Variants in PPP2R2B observed in about 807,000 individuals in gnomAD.
The protein encoded by PPP2R2B is protein phosphatase 2 regulatory subunit Bbeta, also known as serine/threonine-protein phosphatase 2A 55 kDa regulatory subunit B beta isoform.
A neutral mutation model predicts 46.0 loss-of-function variants in PPP2R2B; 5 were observed. The observed-to-expected ratio is 0.11, with a 90% CI of 0.06 to 0.23. PPP2R2B has a LOEUF of 0.23. Among genes scored for constraint, PPP2R2B ranks in the 10% least tolerant of loss-of-function variants. PPP2R2B has a pLI of 1.00. For synonymous variants in PPP2R2B, 215 were observed against 206.7 expected, an observed-to-expected ratio of 1.04 and a Z score of -0.34; for missense variants, 367 against 575.0, an observed-to-expected ratio of 0.64 and a Z score of 3.70.
chr5:146,656,063 C>T (rs1205244427), intron 5 of PPP2R2B, among the ~76,000 whole-genome samples: 1 of 152,112 alleles, frequency 6.6e-6, no homozygotes, highest in African/African-American at 2.4e-5. Flanking sequence ...TTATTAAATC[C>T]CTCCTCAATA....
At chr5:146,835,596 C>T (rs1337201074) in intron 2 of PPP2R2B, among the ~76,000 whole-genome samples, 3 of 152,160 alleles carry the variant, frequency 2.0e-5, no homozygotes, top group African/African-American at 7.2e-5. Flanking sequence ...AACCTTAGAA[C>T]TCAGTGTATT....
intron 1 of PPP2R2B, among the ~76,000 whole-genome samples, chr5:146,884,578 C>T (rs2151424497): frequency 6.6e-6 from 1 of 152,282 alleles, no homozygotes; most frequent in South Asian, 2.1e-4. Context: ...ATTTCACTGA[C>T]AGCTGTTTTA....
intron 2 of PPP2R2B, among the ~76,000 whole-genome samples, chr5:146,837,934 G>T (rs577433295): frequency 3.4e-4 from 52 of 152,262 alleles, no homozygotes; most frequent in African/African-American, 1.2e-3. Context: ...TCTGAGTTGA[G>T]TTCCGGGGCA....
At chr5:146,818,836 T>C (rs544755477) in intron 2 of PPP2R2B, among the ~76,000 whole-genome samples, 6 of 152,204 alleles carry the variant, frequency 3.9e-5, no homozygotes, top group Non-Finnish European at 7.3e-5. Flanking sequence ...TTGGGTAACC[T>C]TGAGCCATTA....
At chr5:146,642,276 G>C (rs1775273460) in intron 6 of PPP2R2B, among the ~76,000 whole-genome samples, 1 of 152,146 alleles carries the variant, frequency 6.6e-6, no homozygotes, top group Non-Finnish European at 1.5e-5. Context: ...CACTCCTTAA[G>C]GGATCCACTT....
At position 147,005,775 on chromosome 5, in the gene PPP2R2B, CAGAA is replaced by C. The variant is rs1472844554; in HGVS notation, c.79+49886_79+49889del. Among the ~76,000 whole-genome samples the C allele has an allele frequency of 1.1e-4, 16 of 151,078 alleles. No homozygotes were observed. The East Asian group carries it at 2.9e-3, about 28-fold the overall frequency. ...GGAAAGGAAGAGACAAAGAGGGAGTCAGAAAGAGAGAAAGAGAGAGACAGACAAA... is the reference window on the plus strand; with the variant it reads ...GGAAAGGAAGAGACAAAGAGGGAGTCAGAGAGAAAGAGAGAGACAGACAAA... On this transcript the variant is annotated intron_variant, in intron 1 of 8. Transcript: ENST00000336640.
chr5:146,858,433 C>A (rs1194053318), intron 2 of PPP2R2B, among the ~76,000 whole-genome samples: 1 of 152,178 alleles, frequency 6.6e-6, no homozygotes, highest in Non-Finnish European at 1.5e-5. Context: ...ATCCTCACAA[C>A]AACCATGGAA....
intron 1 of PPP2R2B, among the ~76,000 whole-genome samples, chr5:147,050,429 G>C (rs1756752745): frequency 6.6e-6 from 1 of 152,022 alleles, no homozygotes; most frequent in Admixed American, 6.6e-5. Flanking sequence ...ATGTGAAAGG[G>C]ACTGAGAAGA....
chr5:146,635,344 G>GT (rs61642938), intron 7 of PPP2R2B, among the ~76,000 whole-genome samples: 9,215 of 150,870 alleles, frequency 0.061, 932 homozygotes, highest in African/African-American at 0.21. Flanking sequence ...TGTGTCATGG[G>GT]TTTTTTTTTG....
At chr5:147,027,629 G>A (rs1210184712) in intron 1 of PPP2R2B, among the ~76,000 whole-genome samples, 3 of 95,526 alleles carry the variant, frequency 3.1e-5, no homozygotes, top group East Asian at 2.5e-4. Flanking sequence ...AGCGAGACTC[G>A]GTCTCAAAAA....
chr5:146,823,196 T>C (rs1199674521), intron 2 of PPP2R2B, among the ~76,000 whole-genome samples: 1 of 152,040 alleles, frequency 6.6e-6, no homozygotes, highest in African/African-American at 2.4e-5. Flanking sequence ...AGTTTACTTC[T>C]TCTTCTTCTT....
chr5:146,885,892 A>C (rs1762304821), intron 1 of PPP2R2B, among the ~76,000 whole-genome samples: 1 of 152,196 alleles, frequency 6.6e-6, no homozygotes, highest in Non-Finnish European at 1.5e-5. Flanking sequence ...ATATTGTATG[A>C]TTCCATTTAT....
chr5:146,789,642 G>C (rs1168587945), intron 2 of PPP2R2B, among the ~76,000 whole-genome samples: 1 of 152,060 alleles, frequency 6.6e-6, no homozygotes, highest in Non-Finnish European at 1.5e-5. Flanking sequence ...CTCAAGGAGA[G>C]AGAGGCAATA....
chr5:146,622,156 G>A (rs189793011), intron 7 of PPP2R2B, among the ~76,000 whole-genome samples: 7 of 152,282 alleles, frequency 4.6e-5, no homozygotes, highest in Admixed American at 3.3e-4. Context: ...TTTAGACCTC[G>A]GTTCAAGCCC....
At chr5:146,840,845 A>T (rs1759593770) in intron 2 of PPP2R2B, among the ~76,000 whole-genome samples, 1 of 152,220 alleles carries the variant, frequency 6.6e-6, no homozygotes, top group Non-Finnish European at 1.5e-5. Context: ...AGACATTGTG[A>T]TGGTATTAGA....
Position 146,767,539 on chromosome 5 carries a change from T to TAC in PPP2R2B, c.71-66399_71-66398dup, listed in dbSNP as rs112893364. Among the ~76,000 whole-genome samples, 671 of 150,526 alleles carry TAC rather than the reference T, an allele frequency of 4.5e-3. 3 individuals carry two copies. The highest frequency in any genetic ancestry group is 7.3e-3 in the African/African-American group (299 of 41,076). On this transcript the variant is annotated intron_variant, in intron 2 of 9. Transcript: ENST00000394411. The stretch of plus-strand genomic sequence containing the variant: ...ATTATGACTCCAATACACACATACA[T>TAC]ACACACACACACACACACCTATATA...
intron 1 of PPP2R2B, among the ~76,000 whole-genome samples, chr5:147,021,418 T>C (rs1274961157): frequency 1.3e-5 from 2 of 152,196 alleles, no homozygotes; most frequent in African/African-American, 2.4e-5. Flanking sequence ...AGAAGTCCTA[T>C]TGAGTCTTTG....
chr5:146,993,668 T>A (rs928033620), intron 1 of PPP2R2B, among the ~76,000 whole-genome samples: 1 of 152,172 alleles, frequency 6.6e-6, no homozygotes, highest in Non-Finnish European at 1.5e-5. Context: ...GCTTTCTTAT[T>A]TGTAAAAATG....
chr5:146,651,600 A>G (rs1775963080), intron 5 of PPP2R2B, among the ~76,000 whole-genome samples: 1 of 152,190 alleles, frequency 6.6e-6, no homozygotes, highest in African/African-American at 2.4e-5. Flanking sequence ...AAAGAGAATA[A>G]GAACACTAAT....
Sources: allele counts gnomAD v4.1 joint callset (sites outside exome capture counted in the v4.1 genomes callset), GRCh38; gene constraint gnomAD v4.1.1; transcripts MANE v1.5; gene names NCBI Gene and HGNC (gene_info 2026-07-23, HGNC 2026-07-21).